Variants in GABRA3 observed in about 807,000 individuals in gnomAD.
GABRA3 encodes gamma-aminobutyric acid type A receptor subunit alpha3, also known as gamma-aminobutyric acid receptor subunit alpha-3.
Under a neutral mutation model 30.1 loss-of-function variants are expected in GABRA3, and 10 were observed. The observed-to-expected ratio is 0.33, with a 90% CI of 0.20 to 0.56. GABRA3 has a LOEUF of 0.56. Among genes scored for constraint, GABRA3 ranks in the 20% least tolerant of loss-of-function variants. GABRA3 has a pLI of 0.89. For synonymous variants in GABRA3, 151 were observed against 146.8 expected (o/e 1.03, Z -0.21); for missense variants, 233 against 392.0 (o/e 0.59, Z 3.42).
At chrX:152,316,824 T>C (rs912106661) in intron 3 of GABRA3, among the ~76,000 whole-genome samples, 5 of 111,757 alleles carry the variant, frequency 4.5e-5, no homozygotes, top group Admixed American at 9.5e-5. Flanking sequence ...TAATTCACCA[T>C]TACCAAGCCA....
chrX:152,365,186 T>C (rs1338046950), intron 1 of GABRA3, among the ~76,000 whole-genome samples: 1 of 111,576 alleles, frequency 9.0e-6, no homozygotes, highest in African/African-American at 3.3e-5. Flanking sequence ...TTCCAAAAGA[T>C]TAAATGGCCT....
intron 3 of GABRA3, among the ~76,000 whole-genome samples, chrX:152,305,129 C>T (rs1324442179): frequency 9.0e-6 from 1 of 110,669 alleles, no homozygotes; most frequent in Non-Finnish European, 1.9e-5. Context: ...TTTTCTTTAT[C>T]CAATCCATCA....
At chrX:152,394,661 A>G (rs1188963497) in intron 1 of GABRA3, among the ~76,000 whole-genome samples, 2 of 112,762 alleles carry the variant, frequency 1.8e-5, no homozygotes, top group Non-Finnish European at 3.7e-5. Flanking sequence ...ATTTTCACAC[A>G]AGTGTGGTGT....
intron 1 of GABRA3, among the ~76,000 whole-genome samples, chrX:152,427,321 C>T (rs1232842504): frequency 9.0e-6 from 1 of 111,572 alleles, no homozygotes; most frequent in Admixed American, 9.5e-5. Context: ...TTTCACATCT[C>T]ATTCTGTACA....
At chrX:152,207,668 C>A (rs891160018) in intron 7 of GABRA3, among the ~76,000 whole-genome samples, 4 of 111,791 alleles carry the variant, frequency 3.6e-5, no homozygotes, top group African/African-American at 1.3e-4. Context: ...AAGCTCAGCT[C>A]TTCCCCCACC....
intron 4 of GABRA3, among the ~76,000 whole-genome samples, chrX:152,272,069 G>C (rs1268444724): frequency 8.9e-6 from 1 of 111,884 alleles, no homozygotes; most frequent in African/African-American, 3.2e-5. Flanking sequence ...GATCGAGTTG[G>C]ATCCCACACA....
At chrX:152,197,179 G>A (rs923811307) in intron 8 of GABRA3, among the ~76,000 whole-genome samples, 1 of 111,749 alleles carries the variant, frequency 8.9e-6, no homozygotes, top group African/African-American at 3.3e-5. Context: ...TAAACTGTGT[G>A]TGGCCTTTAC....
intron 6 of GABRA3, among the ~76,000 whole-genome samples, chrX:152,218,032 T>G (rs2092553510): frequency 9.2e-6 from 1 of 108,785 alleles, no homozygotes; most frequent in Non-Finnish European, 1.9e-5. Flanking sequence ...CTTCTTTTTC[T>G]AGTCTCTTAA....
At chrX:152,187,997 A>G (rs1937277730) in intron 9 of GABRA3, among the ~76,000 whole-genome samples, 1 of 112,156 alleles carries the variant, frequency 8.9e-6, no homozygotes, top group Non-Finnish European at 1.9e-5. Flanking sequence ...ATGATTTTAT[A>G]CATTCAAAAC....
intron 6 of GABRA3, among the ~76,000 whole-genome samples, chrX:152,208,693 C>A (rs1937602348): frequency 9.0e-6 from 1 of 111,353 alleles, no homozygotes; most frequent in Non-Finnish European, 1.9e-5. Context: ...TGTATTAGTT[C>A]ACAGGCTATC....
chrX:152,434,943 G>A (rs941613621), intron 1 of GABRA3, among the ~76,000 whole-genome samples: 5 of 111,963 alleles, frequency 4.5e-5, no homozygotes, highest in East Asian at 2.8e-4. Flanking sequence ...AGTTAATGGC[G>A]AAAGACTGAA....
In GABRA3 at chrX:152,225,687, T is replaced by C. The variant is rs888111737; in HGVS notation, c.552-842A>G. Reference sequence around the variant, plus strand: ...AAGGTTTCCCCTTCTGATTTTTTTTTTTTTATTTTTTTCAAGGCTTAACTT... The same window carrying C: ...AAGGTTTCCCCTTCTGATTTTTTTTCTTTTATTTTTTTCAAGGCTTAACTT... On this transcript the variant is annotated intron_variant, in intron 5 of 9. Coordinates refer to ENST00000370314, the MANE Select transcript of GABRA3 (RefSeq NM_000808.4). Among the ~76,000 whole-genome samples the C allele has an allele frequency of 5.4e-5, 6 of 110,237 alleles. No individual in the cohort carries two copies. The East Asian group carries it at 1.7e-3, about 32-fold the overall frequency.
chrX:152,183,256 G>C (rs1275198222), intron 9 of GABRA3, among the ~76,000 whole-genome samples: 1 of 110,258 alleles, frequency 9.1e-6, no homozygotes, highest in Non-Finnish European at 1.9e-5. Flanking sequence ...GGTCTGTTCA[G>C]ATATTCCATT....
At chrX:152,322,860 T>C (rs1167882339) in intron 3 of GABRA3, among the ~76,000 whole-genome samples, 2 of 86,598 alleles carry the variant, frequency 2.3e-5, no homozygotes, top group African/African-American at 8.7e-5. Context: ...TTTTTTTTTT[T>C]TTTTTTTTTT....
chrX:152,368,251 A>G (rs1285386406), intron 1 of GABRA3, among the ~76,000 whole-genome samples: 1 of 111,323 alleles, frequency 9.0e-6, no homozygotes, highest in Non-Finnish European at 1.9e-5. Context: ...CTCCTATATA[A>G]CTGAAATTTT....
At chrX:152,313,432 C>T (rs1228602967) in intron 3 of GABRA3, among the ~76,000 whole-genome samples, 3 of 111,522 alleles carry the variant, frequency 2.7e-5, no homozygotes, top group African/African-American at 9.8e-5. Flanking sequence ...GCACCATTTG[C>T]CTCTCAAATC....
chrX:152,221,426 C>T (rs763153128), intron 6 of GABRA3, among the ~76,000 whole-genome samples: 1 of 111,699 alleles, frequency 9.0e-6, no homozygotes, highest in South Asian at 3.7e-4. Context: ...ATTACTGTAA[C>T]TTCAAAATAC....
intron 1 of GABRA3, among the ~76,000 whole-genome samples, chrX:152,409,632 A>G (rs1336145433): frequency 8.9e-6 from 1 of 111,741 alleles, no homozygotes; most frequent in East Asian, 2.8e-4. Flanking sequence ...AGAGATTAAT[A>G]ACCAGAATAT....
chrX:152,275,216 A>ATATATATAATTTATATATAATAT (rs1569378249), intron 4 of GABRA3, among the ~76,000 whole-genome samples: 1 of 49,650 alleles, frequency 2.0e-5, no homozygotes, highest in Non-Finnish European at 3.1e-5. Context: ...ATATAATATT[A>ATATATATAATTTATATATAATAT]TATATATATA....
Sources: gnomAD v4.1 joint callset for allele counts (sites outside exome capture counted in the v4.1 genomes callset) on GRCh38, gnomAD v4.1.1 for gene constraint, MANE v1.5 for transcripts, NCBI Gene and HGNC (gene_info 2026-07-23, HGNC 2026-07-21) for gene names.